The following MBP variants were observed in gnomAD, a reference collection of about 807,000 sequenced individuals.
MBP encodes the protein Golli-MBP.
MBP carries 16 observed loss-of-function variants against 35.8 expected under a neutral mutation model. The ratio of observed to expected loss-of-function variants is 0.45; its 90% CI spans 0.30 to 0.68. The LOEUF (loss-of-function observed/expected upper bound fraction) is 0.68. MBP is among the 30% of genes least tolerant of loss of function. The pLI, the probability that MBP is intolerant of heterozygous loss-of-function variation, is 0.08. For synonymous variants in MBP, 143 were observed against 159.6 expected (o/e 0.90, Z 0.78); for missense variants, 380 against 404.7 (o/e 0.94, Z 0.52).
intron 3 of MBP, among the ~76,000 whole-genome samples, chr18:77,057,601 C>A (rs982195902): frequency 1.3e-5 from 2 of 152,116 alleles, no homozygotes; most frequent in Non-Finnish European, 2.9e-5. Context: ...ACTGCCAGGT[C>A]CAAATGGAAT....
At chr18:77,063,603 A>T (rs1377215631) in intron 3 of MBP, among the ~76,000 whole-genome samples, 2 of 152,214 alleles carry the variant, frequency 1.3e-5, no homozygotes, top group Non-Finnish European at 2.9e-5. Flanking sequence ...GTGTCCAAGG[A>T]CCTGGGAACA....
intron 2 of MBP, among the ~76,000 whole-genome samples, chr18:77,069,523 G>C (rs931147131): frequency 6.6e-6 from 1 of 152,198 alleles, no homozygotes; most frequent in Non-Finnish European, 1.5e-5. Flanking sequence ...ACACCACTAG[G>C]ACCAGTAGTG....
At chr18:77,093,823 G>A (rs997470898) in intron 2 of MBP, among the ~76,000 whole-genome samples, 1 of 152,194 alleles carries the variant, frequency 6.6e-6, no homozygotes, top group Non-Finnish European at 1.5e-5. Flanking sequence ...CGCCTTAGGG[G>A]AGGCTGCTGG....
intron 3 of MBP, among the ~76,000 whole-genome samples, chr18:77,049,109 C>A (rs1487331605): frequency 1.3e-5 from 2 of 151,770 alleles, no homozygotes; most frequent in Middle Eastern, 3.4e-3. Flanking sequence ...TTAGTAGAGA[C>A]GAGGTTTCAC....
chr18:77,107,975 G>A (rs1203665798), intron 1 of MBP, among the ~76,000 whole-genome samples: 1 of 152,162 alleles, frequency 6.6e-6, no homozygotes, highest in Non-Finnish European at 1.5e-5. Context: ...GGAACAAAAC[G>A]ACAACTTGAT....
At position 77,131,607 on chromosome 18, in the gene MBP, T is replaced by A. The variant is rs1477629387; in HGVS notation, c.-26+973A>T. 1 of 150,856 alleles carries A rather than the reference T, an allele frequency of 6.6e-6. No individual in the cohort carries two copies. Among genetic ancestry groups the A allele is most frequent in the Non-Finnish European group, 1.5e-5 (1 of 67,766 alleles). The allele number at this position is 150,856 out of a possible 1,614,324, so 9.3% of individuals were successfully genotyped here. A position where few individuals can be genotyped will look rare whatever the true frequency, so the allele number is the denominator to read the frequency against. Reference sequence around the variant, plus strand: ...GTTTCCAGCCAGAGTCGCACGGGGGTCCCCAAAGACGCTTGAACCTTTTCC... The same window carrying A: ...GTTTCCAGCCAGAGTCGCACGGGGGACCCCAAAGACGCTTGAACCTTTTCC... On this transcript the variant is annotated intron_variant, in intron 1 of 8. Coordinates refer to ENST00000355994, the MANE Select transcript of MBP (RefSeq NM_001025101.2). This position sits in a 1 kb window ranked among gnomAD's most constrained non-coding sequence, Gnocchi z 5.5.
chr18:77,028,856 T>TG (rs1303850906), intron 3 of MBP, among the ~76,000 whole-genome samples: 1 of 87,426 alleles, frequency 1.1e-5, no homozygotes, highest in African/African-American at 4.1e-5. Context: ...CCAGATGTGA[T>TG]GGCGGCCGGG....
At chr18:77,000,885 A>C (rs1024492297) in intron 4 of MBP, among the ~76,000 whole-genome samples, 1 of 152,184 alleles carries the variant, frequency 6.6e-6, no homozygotes, top group Non-Finnish European at 1.5e-5. Flanking sequence ...TTCCACTCGG[A>C]TTTTATTAAA....
intron 3 of MBP, among the ~76,000 whole-genome samples, chr18:77,047,640 T>C (rs1973312592): frequency 6.6e-6 from 1 of 152,214 alleles, no homozygotes; most frequent in African/African-American, 2.4e-5. Flanking sequence ...GGTTTGTAAA[T>C]TATCTCACTA....
intron 4 of MBP, chr18:77,012,813 A>T (rs1971427140): frequency 2.0e-6 from 2 of 985,292 alleles, no homozygotes; most frequent in African/African-American, 3.5e-5. Context: ...AAACTGTTTA[A>T]TGAATGCATA....
chr18:77,081,784 A>C (rs1568329856), intron 2 of MBP, among the ~76,000 whole-genome samples: 1 of 149,562 alleles, frequency 6.7e-6, no homozygotes, highest in African/African-American at 2.5e-5. Flanking sequence ...ACACACACAC[A>C]CACACACACG....
At chr18:76,986,385 G>C (rs1351275817) in intron 7 of MBP, 45 of 985,394 alleles carry the variant, frequency 4.6e-5, no homozygotes, top group Non-Finnish European at 5.3e-5. Flanking sequence ...CTCTTATTTA[G>C]AGGTGAGGAA....
In MBP at chr18:76,989,760, G is replaced by C. The variant is rs1328909599; in HGVS notation, c.681+196C>G. On this transcript the variant is annotated intron_variant, in intron 5 of 8. Coordinates refer to ENST00000355994, the MANE Select transcript of MBP (RefSeq NM_001025101.2). The surrounding 1 kb of genome is among the most constrained non-coding windows in gnomAD (Gnocchi z 4.0). ...ACGCACGGAGCGCACGGTGCAATCC[G>C]TGGCAGATACAGTCGGGAAGCGCTT... 1 of 581,902 alleles carries C rather than the reference G, an allele frequency of 1.7e-6. No homozygotes were observed. The highest frequency in any genetic ancestry group is 3.0e-5 in the East Asian group (1 of 33,344). The allele number at this position is 581,902 out of a possible 1,614,324, so 36.0% of individuals were successfully genotyped here.
chr18:77,066,383 A>G lies in MBP; in HGVS notation c.54T>C (p.Asn18=), dbSNP rs1974200376. The G allele has an allele frequency of 6.2e-6, 10 of 1,602,524 alleles. No homozygotes were observed. The highest frequency in any genetic ancestry group is 1.3e-5 in the African/African-American group (1 of 74,654). The part of the protein sequence containing the change: ...RELNAEKAST[N]SETNRGESEK... ...CAGATTCTCCTCTGTTAGTTTCACT[A>G]TTCTGGAAAAAGAAAACACAACAAA... Residue 18 remains asparagine (N), a splice_region_variant and synonymous_variant, in exon 3 of 9, where the codon AAT becomes AAC. Transcript: ENST00000355994.
At chr18:77,031,519 C>T (rs1035349059) in intron 3 of MBP, among the ~76,000 whole-genome samples, 1 of 152,248 alleles carries the variant, frequency 6.6e-6, no homozygotes, top group Admixed American at 6.5e-5. Flanking sequence ...CGGTCAGGTT[C>T]TCATTTTTGT....
chr18:77,042,617 T>C (rs1348877663), intron 3 of MBP, among the ~76,000 whole-genome samples: 1 of 152,142 alleles, frequency 6.6e-6, no homozygotes, highest in African/African-American at 2.4e-5. Context: ...GAGAGAGTTA[T>C]TTTAGGTCTT....
chr18:77,002,707 A>G (rs1007167456), intron 4 of MBP: 4 of 152,210 alleles, frequency 2.6e-5, no homozygotes, highest in African/African-American at 9.6e-5. Context: ...TAGGGCTTGA[A>G]CTTTAGACTG....
At chr18:77,077,226 G>A (rs1458787023) in intron 2 of MBP, among the ~76,000 whole-genome samples, 1 of 151,786 alleles carries the variant, frequency 6.6e-6, no homozygotes, top group Non-Finnish European at 1.5e-5. Context: ...GCTGGGCGTG[G>A]TGGTGGGCAC....
chr18:77,058,867 G>A (rs892705427), intron 3 of MBP, among the ~76,000 whole-genome samples: 2 of 152,180 alleles, frequency 1.3e-5, no homozygotes, highest in Non-Finnish European at 2.9e-5. Context: ...TCCGGGGAAA[G>A]TTTACCGTTT....
Sources: allele counts gnomAD v4.1 joint callset (sites outside exome capture counted in the v4.1 genomes callset), GRCh38; gene constraint gnomAD v4.1.1; non-coding constraint Gnocchi (gnomAD v3.1); transcripts MANE v1.5; gene names NCBI Gene and HGNC (gene_info 2026-07-23, HGNC 2026-07-21).